Variants in PTPRD observed in about 807,000 individuals in gnomAD.
PTPRD encodes the protein protein tyrosine phosphatase receptor type D, also known as receptor-type tyrosine-protein phosphatase delta.
Under a neutral mutation model 214.5 loss-of-function variants are expected in PTPRD, and 34 were observed. The ratio of observed to expected loss-of-function variants is 0.16; its 90% CI spans 0.12 to 0.21. The LOEUF (loss-of-function observed/expected upper bound fraction) is 0.21. PTPRD is among the 10% of genes least tolerant of loss of function. PTPRD has a pLI of 1.00. For missense variants in PTPRD, 2,545 were observed against 2,398.7 expected (o/e 1.06, Z -1.27); for synonymous variants, 1,128 against 845.7 (o/e 1.33, Z -5.79).
intron 44 of PTPRD, among the ~76,000 whole-genome samples, chr9:8,325,847 T>G (rs1833135515): frequency 6.6e-6 from 1 of 152,166 alleles, no homozygotes; most frequent in Admixed American, 6.5e-5. Flanking sequence ...GAAGCAATTG[T>G]GAATGGGAGT....
At chr9:8,370,339 T>C (rs527694801) in intron 39 of PTPRD, among the ~76,000 whole-genome samples, 3 of 152,064 alleles carry the variant, frequency 2.0e-5, no homozygotes, top group Middle Eastern at 3.4e-3. Flanking sequence ...GTCTCTGCAA[T>C]ACGAAGAGTA....
intron 3 of PTPRD, among the ~76,000 whole-genome samples, chr9:10,252,960 T>C (rs375604485): frequency 4.6e-5 from 7 of 152,106 alleles, no homozygotes; most frequent in African/African-American, 1.7e-4. Context: ...ATTTTTATAT[T>C]TTTAGTAGAG....
intron 11 of PTPRD, among the ~76,000 whole-genome samples, chr9:8,786,402 C>CT (rs36018689): frequency 0.055 from 3,675 of 66,980 alleles, 344 homozygotes; most frequent in African/African-American, 0.14. Context: ...GTTTGGAGTT[C>CT]TTTTTTTTTT....
At chr9:9,548,081 T>C (rs2079239065) in intron 8 of PTPRD, among the ~76,000 whole-genome samples, 1 of 152,016 alleles carries the variant, frequency 6.6e-6, no homozygotes, top group African/African-American at 2.4e-5. Context: ...TAAAGATATT[T>C]GCTGAGCAAT....
At chr9:9,019,296 G>A (rs2099550830) in intron 10 of PTPRD, among the ~76,000 whole-genome samples, 1 of 45,874 alleles carries the variant, frequency 2.2e-5, no homozygotes, top group African/African-American at 7.9e-5. Context: ...AAGAAAGAAA[G>A]AAAGAAAGAA....
chr9:9,376,872 C>G (rs1004001662), intron 9 of PTPRD, among the ~76,000 whole-genome samples: 7 of 152,106 alleles, frequency 4.6e-5, no homozygotes, highest in African/African-American at 1.7e-4. Context: ...TATTCAGTAA[C>G]TTTCTCAGTA....
intron 4 of PTPRD, among the ~76,000 whole-genome samples, chr9:10,005,030 G>C (rs1455021420): frequency 6.6e-6 from 1 of 152,012 alleles, no homozygotes; most frequent in African/African-American, 2.4e-5. Context: ...ACTTTTCTTA[G>C]CTTGATCATA....
intron 3 of PTPRD, among the ~76,000 whole-genome samples, chr9:10,065,615 T>A (rs140444325): frequency 0.013 from 1,958 of 152,024 alleles, 21 homozygotes; most frequent in Middle Eastern, 0.031. Flanking sequence ...TTTAAAAAAT[T>A]TTCTTAGCTA....
At chr9:9,102,414 CG>C (rs1467746062) in intron 10 of PTPRD, among the ~76,000 whole-genome samples, 1 of 152,154 alleles carries the variant, frequency 6.6e-6, no homozygotes, top group African/African-American at 2.4e-5. Flanking sequence ...AATCACGCTG[CG>C]GGAACTGTGG....
chr9:10,060,507 T>C (rs918666256), intron 3 of PTPRD, among the ~76,000 whole-genome samples: 2 of 152,020 alleles, frequency 1.3e-5, no homozygotes, highest in African/African-American at 4.8e-5. Context: ...ATAATTTCAT[T>C]TGTCCACTAG....
intron 12 of PTPRD, among the ~76,000 whole-genome samples, chr9:8,668,692 T>C (rs1178875423): frequency 6.6e-6 from 1 of 152,186 alleles, no homozygotes; most frequent in African/African-American, 2.4e-5. Flanking sequence ...TTTGGAAAAT[T>C]GCAATGTATA....
intron 3 of PTPRD, among the ~76,000 whole-genome samples, chr9:10,078,896 G>A (rs2098183084): frequency 6.6e-6 from 1 of 152,030 alleles, no homozygotes; most frequent in South Asian, 2.1e-4. Context: ...ATGGTTTTCA[G>A]ACTCCTCACC....
chr9:9,156,183 A>T (rs1421268534), intron 10 of PTPRD, among the ~76,000 whole-genome samples: 1 of 152,200 alleles, frequency 6.6e-6, no homozygotes, highest in Non-Finnish European at 1.5e-5. Flanking sequence ...TCTTTGTGCC[A>T]GATATGTACA....
chr9:8,547,206 T>C (rs1274840624), intron 14 of PTPRD, among the ~76,000 whole-genome samples: 2 of 152,142 alleles, frequency 1.3e-5, no homozygotes, highest in Admixed American at 6.5e-5. Context: ...ACATTTCCCA[T>C]AACAGTCTGA....
At chr9:9,799,016 C>A (rs756002397) in intron 5 of PTPRD, among the ~76,000 whole-genome samples, 1 of 152,112 alleles carries the variant, frequency 6.6e-6, no homozygotes, top group Non-Finnish European at 1.5e-5. Flanking sequence ...TACTTATTAA[C>A]GTAACATCAG....
intron 11 of PTPRD, among the ~76,000 whole-genome samples, chr9:8,841,932 G>C (rs2097566601): frequency 6.6e-6 from 1 of 151,486 alleles, no homozygotes; most frequent in African/African-American, 2.4e-5. Context: ...AATCAGATGA[G>C]CCCAGGAAGC....
At chr9:9,059,446 T>A (rs1430382988) in intron 10 of PTPRD, among the ~76,000 whole-genome samples, 8 of 151,994 alleles carry the variant, frequency 5.3e-5, no homozygotes, top group Non-Finnish European at 8.8e-5. Flanking sequence ...AGAATAAGTA[T>A]ATAGAAATCA....
intron 39 of PTPRD, among the ~76,000 whole-genome samples, chr9:8,356,226 C>A (rs1469102962): frequency 9.9e-5 from 15 of 152,050 alleles, no homozygotes; most frequent in African/African-American, 3.4e-4. Context: ...TTGCAAGAAA[C>A]AACCCCAAAT....
At chr9:8,970,624 A>C (rs1197042463) in intron 11 of PTPRD, among the ~76,000 whole-genome samples, 1 of 151,772 alleles carries the variant, frequency 6.6e-6, no homozygotes, top group African/African-American at 2.4e-5. Flanking sequence ...ACCACTAAAA[A>C]CCCCAAATTA....
Sources: gnomAD v4.1 joint callset for allele counts (sites outside exome capture counted in the v4.1 genomes callset) on GRCh38, gnomAD v4.1.1 for gene constraint, MANE v1.5 for transcripts, NCBI Gene and HGNC (gene_info 2026-07-23, HGNC 2026-07-21) for gene names.